Variants in WASHC4 observed in about 807,000 individuals in gnomAD.
WASHC4 encodes WASH complex subunit 7.
Under a neutral mutation model 166.6 loss-of-function variants are expected in WASHC4, and 86 were observed. That is an observed-to-expected ratio of 0.52 (90% CI 0.43 to 0.62). WASHC4 has a LOEUF of 0.62. Among genes scored for constraint, WASHC4 ranks in the 20% least tolerant of loss-of-function variants. WASHC4 has a pLI of 0.00. For synonymous variants in WASHC4, 446 were observed against 451.6 expected (o/e 0.99, Z 0.16); for missense variants, 1,262 against 1,382.4 (o/e 0.91, Z 1.38).
At position 105,157,281 on chromosome 12, in the gene WASHC4, A is replaced by C. The variant is rs1339175232; in HGVS notation, c.2871A>C (p.Val957=). 1.3e-6 allele frequency: 2 copies of C among 1,568,378 alleles called. No homozygotes were observed. Among genetic ancestry groups the C allele is most frequent in the East Asian group, 4.5e-5 (2 of 44,452 alleles). ...ATATTGTAAATTTTGAAGAACTAGT[A>C]AAAGAAGAAGGTCTTGCAGAAGAAA... ...LEDIVNFEEL[V]KEEGLAEETL... The change falls in exon 28 of 33, where the codon GTA becomes GTC. Residue 957 remains valine (V), a synonymous_variant. Transcript: ENST00000332180.
At chr12:105,163,064 C>A (rs889865625) in intron 30 of WASHC4, among the ~76,000 whole-genome samples, 2 of 152,032 alleles carry the variant, frequency 1.3e-5, no homozygotes, top group African/African-American at 4.8e-5. Context: ...TCACACCATT[C>A]TCCTGCCTCA....
At position 105,111,267 on chromosome 12, in the gene WASHC4, T is replaced by C; in HGVS notation, c.201+3T>C. 6.3e-7 allele frequency: 1 copy of C among 1,591,386 alleles called. No homozygotes were observed. The highest frequency in any genetic ancestry group is 8.6e-7 in the Non-Finnish European group (1 of 1,162,698). ...ATCTTGATCCTATAGCATTAAAGGTTTGATTTGATTTTTTAAAAATATATG... is the reference window on the plus strand; with the variant it reads ...ATCTTGATCCTATAGCATTAAAGGTCTGATTTGATTTTTTAAAAATATATG... On this transcript the variant is annotated splice_donor_region_variant and intron_variant, in intron 2 of 32. Coordinates refer to ENST00000332180, the MANE Select transcript of WASHC4 (RefSeq NM_015275.3).
intron 13 of WASHC4, among the ~76,000 whole-genome samples, chr12:105,131,045 G>A (rs1395574804): frequency 6.6e-5 from 10 of 151,680 alleles, no homozygotes; most frequent in African/African-American, 2.4e-4. Flanking sequence ...TTTAAAACTT[G>A]AAGCAGTTTT....
intron 14 of WASHC4, 144 bp downstream of exon 14, chr12:105,134,040 ATTAAT>A (rs1293376046): frequency 4.0e-5 from 28 of 700,534 alleles, no homozygotes; most frequent in Non-Finnish European, 6.1e-5. Flanking sequence ...TGTGTGACTT[ATTAAT>A]TTAAATTTTC....
intron 26 of WASHC4, among the ~76,000 whole-genome samples, chr12:105,153,635 G>A (rs940361786): frequency 7.9e-5 from 12 of 152,230 alleles, no homozygotes; most frequent in African/African-American, 2.4e-4. Flanking sequence ...TATGACATAC[G>A]TACACAATTT....
In WASHC4 at chr12:105,140,947, C is replaced by T. The variant is rs1308867017; in HGVS notation, c.1609C>T (p.Leu537Phe). The change falls in exon 17 of 33, where the codon CTC becomes TTC. Residue 537 changes from leucine (L) to phenylalanine (F), a missense_variant. Leu to Phe is a conservative substitution (Grantham distance 22). Coordinates refer to ENST00000332180, the MANE Select transcript of WASHC4 (RefSeq NM_015275.3). ...ATACAGCGAACAGCGTCTTGATGTG[C>T]TCTCTGCTCTAGTTTTGGCTGAAAA... is the stretch of plus-strand genomic sequence containing the variant. The part of the protein sequence containing the change: ...KKYSEQRLDV[L>F]SALVLAENTL... The T allele has an allele frequency of 1.2e-6, 2 of 1,614,060 alleles. No individual in the cohort carries two copies. Among genetic ancestry groups the T allele is most frequent in the South Asian group, 2.2e-5 (2 of 91,080 alleles).
chr12:105,163,140 A>G (rs1014498494), intron 30 of WASHC4, among the ~76,000 whole-genome samples: 3 of 151,554 alleles, frequency 2.0e-5, no homozygotes, highest in Admixed American at 6.6e-5. Flanking sequence ...TTGCATTTTT[A>G]GTAGAGACGG....
At chr12:105,148,952 T>G (rs1384065489) in intron 24 of WASHC4, 1 of 985,078 alleles carries the variant, frequency 1.0e-6, no homozygotes, top group Non-Finnish European at 1.2e-6. Context: ...TCAAGGGCTT[T>G]TTGTTATTTA....
intron 6 of WASHC4, among the ~76,000 whole-genome samples, chr12:105,118,173 T>C (rs1034816128): frequency 6.6e-6 from 1 of 152,174 alleles, no homozygotes; most frequent in African/African-American, 2.4e-5. Flanking sequence ...ACCTATCATT[T>C]AGGAGTTATA....
intron 22 of WASHC4, 126 bp from the exon 23 acceptor site, chr12:105,146,326 A>G (rs1180473750): frequency 2.4e-5 from 16 of 670,280 alleles, no homozygotes; most frequent in South Asian, 5.5e-5. Flanking sequence ...TACCTTTTAT[A>G]TAGTTCTTTA....
chr12:105,121,611 G>A (rs1038000045), intron 9 of WASHC4, among the ~76,000 whole-genome samples: 4 of 152,162 alleles, frequency 2.6e-5, no homozygotes, highest in African/African-American at 9.7e-5. Context: ...GGGTTCAAGT[G>A]ATTCTCCTAC....
intron 7 of WASHC4, among the ~76,000 whole-genome samples, chr12:105,119,696 C>T (rs1880542640): frequency 6.6e-6 from 1 of 152,092 alleles, no homozygotes; most frequent in Non-Finnish European, 1.5e-5. Context: ...TACCCCTGCC[C>T]TAGAAGGATG....
chr12:105,142,490 C>T lies in WASHC4; in HGVS notation c.1825C>T (p.His609Tyr). Residue 609 changes from histidine (H) to tyrosine (Y), a missense_variant, in exon 19 of 33, where the codon CAT becomes TAT. Physicochemically the swap from His to Tyr is moderately conservative, Grantham distance 83 (BLOSUM62 2). Coordinates refer to ENST00000332180, the MANE Select transcript of WASHC4 (RefSeq NM_015275.3). ...ATGTGACTGTTGTTTTTTATACTGGCATCGAGCTGTCTTCCCAATTTATTT... is the reference window on the plus strand; with the variant it reads ...ATGTGACTGTTGTTTTTTATACTGGTATCGAGCTGTCTTCCCAATTTATTT... The part of the protein sequence containing the change: ...TQCDCCFLYW[H>Y]RAVFPIYLDD... 6.2e-7 allele frequency: 1 copy of T among 1,610,636 alleles called. No homozygotes were observed. Among genetic ancestry groups the T allele is most frequent in the Non-Finnish European group, 8.5e-7 (1 of 1,177,634 alleles).
At chr12:105,128,343 A>G (rs1209254757) in intron 13 of WASHC4, among the ~76,000 whole-genome samples, 1 of 152,254 alleles carries the variant, frequency 6.6e-6, no homozygotes, top group Non-Finnish European at 1.5e-5. Context: ...TGAATTAAGT[A>G]ATACAAGATA....
At chr12:105,165,415 C>T (rs1424853652) in intron 32 of WASHC4, among the ~76,000 whole-genome samples, 1 of 152,142 alleles carries the variant, frequency 6.6e-6, no homozygotes, top group African/African-American at 2.4e-5. Context: ...GAATAATCAT[C>T]TTCTCTGAGA....
At chr12:105,113,990 A>G (rs1299229853) in intron 2 of WASHC4, among the ~76,000 whole-genome samples, 1 of 151,948 alleles carries the variant, frequency 6.6e-6, no homozygotes, top group African/African-American at 2.4e-5. Flanking sequence ...CAGCCACCTT[A>G]TGCTCCATAG....
Position 105,166,892 on chromosome 12 carries a change from G to C in WASHC4, c.3483G>C (p.Leu1161=). Residue 1161 remains leucine (L), a synonymous_variant, in exon 33 of 33, where the codon CTG becomes CTC. Transcript: ENST00000332180. ...EEETKTSNGD[L]SDSTVSADPV... ...AAACTAAAACAAGCAATGGAGACCT[G>C]TCTGACAGCACTGTGTCTGCTGATC... The C allele has an allele frequency of 1.2e-6, 2 of 1,607,238 alleles. No individual in the cohort carries two copies. Among genetic ancestry groups the C allele is most frequent in the Non-Finnish European group, 8.5e-7 (1 of 1,177,058 alleles).
At chr12:105,158,364 A>T (rs185156762) in intron 28 of WASHC4, among the ~76,000 whole-genome samples, 3 of 152,212 alleles carry the variant, frequency 2.0e-5, no homozygotes, top group Non-Finnish European at 4.4e-5. Context: ...TGGCCAAGTG[A>T]TCAAACTTAG....
At chr12:105,132,429 C>T (rs561761514) in intron 13 of WASHC4, among the ~76,000 whole-genome samples, 80 of 152,196 alleles carry the variant, frequency 5.3e-4, no homozygotes, top group Non-Finnish European at 1.0e-3. Flanking sequence ...GCCTCGGCCT[C>T]CCGAAGTGCT....
Sources: gnomAD v4.1 joint callset for allele counts (sites outside exome capture counted in the v4.1 genomes callset) on GRCh38, gnomAD v4.1.1 for gene constraint, MANE v1.5 for transcripts, NCBI Gene and HGNC (gene_info 2026-07-23, HGNC 2026-07-21) for gene names.